RXFP1: variants seen among roughly 807,000 people sequenced by gnomAD.
RXFP1 encodes the protein relaxin receptor 1.
A neutral mutation model predicts 89.8 loss-of-function variants in RXFP1; 73 were observed. That is an observed-to-expected ratio of 0.81 (90% CI 0.67 to 0.99). RXFP1 has a LOEUF of 0.99. Among genes scored for constraint, RXFP1 ranks in the 50% least tolerant of loss-of-function variants. The pLI is 0.00. For synonymous variants in RXFP1, 277 were observed against 305.5 expected (o/e 0.91, Z 0.97); for missense variants, 793 against 895.5 (o/e 0.89, Z 1.46).
chr4:158,585,843 C>T (rs930654088), intron 2 of RXFP1, among the ~76,000 whole-genome samples: 3 of 152,166 alleles, frequency 2.0e-5, no homozygotes, highest in Admixed American at 2.0e-4. Context: ...AGCAAAATGT[C>T]CTTAAGTTGG....
At chr4:158,546,617 T>C (rs1264978380) in intron 1 of RXFP1, among the ~76,000 whole-genome samples, 4 of 152,226 alleles carry the variant, frequency 2.6e-5, no homozygotes, top group Non-Finnish European at 5.9e-5. Context: ...TATTTTGAGA[T>C]ACATCCCATC....
Position 158,634,833 on chromosome 4 carries a change from T to C in RXFP1, c.971+1357T>C, listed in dbSNP as rs571079012. The stretch of plus-strand genomic sequence containing the variant: ...CCTTGGCACCCTTGTTGAAAATCAT[T>C]TGACCATATATCTGTGAGTTTATTC... On this transcript the variant is annotated intron_variant, in intron 12 of 17. Transcript: ENST00000307765. Among the ~76,000 whole-genome samples, 10 of 152,310 alleles carry C rather than the reference T, an allele frequency of 6.6e-5. No homozygotes were observed. In the East Asian group the frequency reaches 1.9e-3, roughly 29 times the overall value.
At chr4:158,629,011 G>T (rs1237774261) in intron 11 of RXFP1, among the ~76,000 whole-genome samples, 1 of 148,822 alleles carries the variant, frequency 6.7e-6, no homozygotes, top group Admixed American at 6.8e-5. Context: ...CCTAAAGAAG[G>T]ACGGTAAATT....
chr4:158,651,917 A>G lies in RXFP1; in HGVS notation c.2136A>G (p.Thr712=). 2 of 1,614,168 alleles carry G rather than the reference A, an allele frequency of 1.2e-6. No individual in the cohort carries two copies. The highest frequency in any genetic ancestry group is 1.1e-5 in the South Asian group (1 of 91,080). ...CTATGGACAGCAAAGGTCAGAAAAC[A>G]TATGCTCCATCATTCATCTGGGTGG... The part of the protein sequence containing the change: ...RKSMDSKGQK[T]YAPSFIWVEM... The change falls in exon 18 of 18, where the codon ACA becomes ACG. Residue 712 remains threonine (T), a synonymous_variant. Coordinates refer to ENST00000307765, the MANE Select transcript of RXFP1 (RefSeq NM_021634.4).
intron 1 of RXFP1, among the ~76,000 whole-genome samples, chr4:158,542,100 TATATATATA>T (rs1560973333): frequency 4.4e-5 from 2 of 45,650 alleles, no homozygotes; most frequent in African/African-American, 1.3e-4. Flanking sequence ...TATATATATA[TATATATATA>T]TTTTTTTTTT....
chr4:158,571,853 A>G (rs1755135149), intron 1 of RXFP1, among the ~76,000 whole-genome samples: 1 of 152,198 alleles, frequency 6.6e-6, no homozygotes, highest in Admixed American at 6.5e-5. Flanking sequence ...AGCCAGATAC[A>G]TTCAATGTGG....
intron 5 of RXFP1, among the ~76,000 whole-genome samples, chr4:158,606,509 A>G: frequency 6.6e-6 from 1 of 152,184 alleles, no homozygotes; most frequent in Non-Finnish European, 1.5e-5. Flanking sequence ...GAAATAAACA[A>G]ACAAATGCAT....
chr4:158,639,680 G>A (rs1173140878), intron 14 of RXFP1, among the ~76,000 whole-genome samples: 2 of 152,036 alleles, frequency 1.3e-5, no homozygotes, highest in Non-Finnish European at 2.9e-5. Flanking sequence ...GACCAGCCTG[G>A]CCAACATGGT....
chr4:158,632,809 C>CA (rs1231095162), intron 11 of RXFP1, among the ~76,000 whole-genome samples: 1 of 151,816 alleles, frequency 6.6e-6, no homozygotes, highest in Non-Finnish European at 1.5e-5. Context: ...TTCTAACACA[C>CA]AAAAAAAGAG....
chr4:158,632,226 G>C (rs1168461147), intron 11 of RXFP1, among the ~76,000 whole-genome samples: 1 of 152,182 alleles, frequency 6.6e-6, no homozygotes, highest in Non-Finnish European at 1.5e-5. Context: ...ATAGTCTCCA[G>C]GTTCAGTTTG....
intron 14 of RXFP1, 123 bp downstream of exon 14, chr4:158,639,454 G>A (rs1433920984): frequency 3.1e-6 from 2 of 637,082 alleles, no homozygotes; most frequent in East Asian, 2.8e-5. Flanking sequence ...GAAAGTTTGT[G>A]TTCCTCCAAA....
At chr4:158,650,920 A>G (rs970622722) in intron 17 of RXFP1, among the ~76,000 whole-genome samples, 1 of 152,182 alleles carries the variant, frequency 6.6e-6, no homozygotes, top group Non-Finnish European at 1.5e-5. Context: ...ACCAACCTGG[A>G]CAACACAGGG....
At chr4:158,601,236 G>T (rs1272939278) in intron 4 of RXFP1, among the ~76,000 whole-genome samples, 3 of 152,034 alleles carry the variant, frequency 2.0e-5, no homozygotes, top group Non-Finnish European at 4.4e-5. Context: ...AAAAAACTGG[G>T]ACCAGGTCCT....
At chr4:158,623,710 A>G (rs1024522750) in intron 9 of RXFP1, among the ~76,000 whole-genome samples, 2 of 152,150 alleles carry the variant, frequency 1.3e-5, no homozygotes, top group African/African-American at 2.4e-5. Flanking sequence ...ACTTCTCTGC[A>G]TTCACATATA....
intron 1 of RXFP1, among the ~76,000 whole-genome samples, chr4:158,570,898 C>G (rs1754919558): frequency 6.6e-6 from 1 of 152,136 alleles, no homozygotes; most frequent in South Asian, 2.1e-4. Flanking sequence ...CCACAACCCT[C>G]CCAGAGTTCC....
At position 158,639,365 on chromosome 4, in the gene RXFP1, G is replaced by A. The variant is rs769701466; in HGVS notation, c.1115+34G>A. ...ATATTTTATTGTTTTTCACTGTGAT[G>A]TTAATATTTGTTTCCATGTGTATTA... On this transcript the variant is annotated intron_variant, in intron 14 of 17. Transcript: ENST00000307765. The A allele has an allele frequency of 3.5e-6, 4 of 1,133,208 alleles. No homozygotes were observed. In the South Asian group the frequency reaches 3.8e-5, roughly 11 times the overall value. The allele number at this position is 1,133,208 out of a possible 1,614,324, so 70.2% of individuals were successfully genotyped here.
intron 9 of RXFP1, among the ~76,000 whole-genome samples, chr4:158,623,692 A>G (rs910737802): frequency 1.1e-4 from 17 of 152,064 alleles, no homozygotes; most frequent in African/African-American, 4.1e-4. Flanking sequence ...AAAATACTAC[A>G]TTCCCACACT....
At chr4:158,586,458 T>C (rs1758325477) in intron 2 of RXFP1, among the ~76,000 whole-genome samples, 1 of 152,196 alleles carries the variant, frequency 6.6e-6, no homozygotes, top group African/African-American at 2.4e-5. Flanking sequence ...TTCTCTTCTG[T>C]GCGGTGCTTG....
At chr4:158,638,709 G>A (rs909448098) in intron 13 of RXFP1, among the ~76,000 whole-genome samples, 2 of 151,926 alleles carry the variant, frequency 1.3e-5, no homozygotes, top group Admixed American at 6.6e-5. Flanking sequence ...TAGCTACTTG[G>A]GAGGCTGAGG....
Sources: gnomAD v4.1 joint callset for allele counts (sites outside exome capture counted in the v4.1 genomes callset) on GRCh38, gnomAD v4.1.1 for gene constraint, MANE v1.5 for transcripts, NCBI Gene and HGNC (gene_info 2026-07-23, HGNC 2026-07-21) for gene names.